The following NOVA1 variants were observed in gnomAD, a reference collection of about 807,000 sequenced individuals.
NOVA1 encodes the protein NOVA alternative splicing regulator 1, also known as RNA-binding protein Nova-1.
A neutral mutation model predicts 38.0 loss-of-function variants in NOVA1; 7 were observed. That is an observed-to-expected ratio of 0.18 (90% CI 0.10 to 0.35). The LOEUF (loss-of-function observed/expected upper bound fraction) is 0.35, where lower values mean the gene tolerates loss of function less well. NOVA1 is among the 10% of genes least tolerant of loss of function. NOVA1 has a pLI of 1.00. For missense variants in NOVA1, 460 were observed against 616.0 expected, an observed-to-expected ratio of 0.75 and a Z score of 2.68; for synonymous variants, 270 against 232.5, an observed-to-expected ratio of 1.16 and a Z score of -1.47.
At chr14:26,531,967 A>T (rs1889748360) in intron 2 of NOVA1, among the ~76,000 whole-genome samples, 1 of 152,194 alleles carries the variant, frequency 6.6e-6, no homozygotes, top group South Asian at 2.1e-4. Flanking sequence ...AAAACCCACT[A>T]AGAAAACAAA....
chr14:26,527,838 C>A (rs147076277), intron 2 of NOVA1, among the ~76,000 whole-genome samples: 1 of 152,268 alleles, frequency 6.6e-6, no homozygotes, highest in Non-Finnish European at 1.5e-5. Context: ...GTAAAACTAC[C>A]CAGCAGTGAG....
At chr14:26,510,259 T>C (rs1160618186) in intron 2 of NOVA1, among the ~76,000 whole-genome samples, 1 of 152,152 alleles carries the variant, frequency 6.6e-6, no homozygotes, top group Non-Finnish European at 1.5e-5. Flanking sequence ...TGCCTTCAAG[T>C]AGCTCATGAT....
chr14:26,503,777 A>C (rs61986469), intron 2 of NOVA1, among the ~76,000 whole-genome samples: 2 of 152,070 alleles, frequency 1.3e-5, no homozygotes, highest in South Asian at 4.2e-4. Flanking sequence ...CTGATTCATC[A>C]TGATAAACCA....
intron 2 of NOVA1, among the ~76,000 whole-genome samples, chr14:26,554,960 T>C (rs949083275): frequency 1.3e-5 from 2 of 152,124 alleles, no homozygotes; most frequent in Admixed American, 6.6e-5. Context: ...CATGAATATG[T>C]TTCGTGCATT....
intron 2 of NOVA1, among the ~76,000 whole-genome samples, chr14:26,491,877 C>A (rs1886374492): frequency 6.6e-6 from 1 of 151,928 alleles, no homozygotes; most frequent in African/African-American, 2.4e-5. Flanking sequence ...GAATCCTCAA[C>A]TCTGTAATTT....
rs538356160 is a variant in NOVA1 at position 26,445,827 on chromosome 14, A to G, written c.*2132T>C. On this transcript the variant is annotated 3_prime_UTR_variant, in exon 5 of 5. Transcript: ENST00000539517. ...CATAGATATTATTTACTGTTAATGT[A>G]TTATAAATGATCTGAGACTTGTGAC... 6.5e-6 allele frequency: 1 copy of G among 152,742 alleles called. No homozygotes were observed. The highest frequency in any genetic ancestry group is 3.4e-3 in the Middle Eastern group (1 of 294). The allele number at this position is 152,742 out of a possible 1,614,324, so 9.5% of individuals were successfully genotyped here.
intron 2 of NOVA1, among the ~76,000 whole-genome samples, chr14:26,529,948 T>TTC (rs1356531104): frequency 6.6e-6 from 1 of 152,156 alleles, no homozygotes; most frequent in Non-Finnish European, 1.5e-5. Context: ...TCATTTTTTT[T>TTC]TCACTCTGTC....
chr14:26,471,385 T>G (rs1459911282), intron 4 of NOVA1, among the ~76,000 whole-genome samples: 2 of 151,788 alleles, frequency 1.3e-5, no homozygotes, highest in East Asian at 3.8e-4. Flanking sequence ...GTCAACTATA[T>G]GAAAAATATA....
At chr14:26,472,288 A>C (rs1375816032) in intron 4 of NOVA1, 32 bp downstream of exon 4, 1 of 1,353,062 alleles carries the variant, frequency 7.4e-7, no homozygotes, top group South Asian at 1.2e-5. Context: ...ACCCGTGAAA[A>C]GTATGGTGTA....
intron 2 of NOVA1, among the ~76,000 whole-genome samples, chr14:26,506,581 C>T (rs1887651536): frequency 6.6e-6 from 1 of 152,018 alleles, no homozygotes; most frequent in Non-Finnish European, 1.5e-5. Flanking sequence ...AGACCAACAA[C>T]TGTTCTTTTT....
rs1882013720 is a variant in NOVA1, at chr14:26,445,695, T to C, written c.*2264A>G. 1 of 152,232 alleles carries C rather than the reference T, an allele frequency of 6.6e-6. No homozygotes were observed. Among genetic ancestry groups the C allele is most frequent in the Non-Finnish European group, 1.5e-5 (1 of 68,032 alleles). 9.4% of individuals were successfully genotyped at this position (152,232 alleles called of 1,614,324 possible). On this transcript the variant is annotated 3_prime_UTR_variant, in exon 5 of 5. Transcript: ENST00000539517. ...AAAGACCCAACATTTGAAATGCTTC[T>C]AGTACACATCCTAGATCACTTCCTT... is the stretch of plus-strand genomic sequence containing the variant.
At chr14:26,479,841 T>A in intron 3 of NOVA1, 136 bp downstream of exon 3, 1 of 856,382 alleles carries the variant, frequency 1.2e-6, no homozygotes, top group South Asian at 1.9e-5. Flanking sequence ...AGTCTTTAAA[T>A]AACTAAATGA....
intron 2 of NOVA1, among the ~76,000 whole-genome samples, chr14:26,482,378 C>A (rs1360646335): frequency 6.6e-6 from 1 of 152,106 alleles, no homozygotes; most frequent in African/African-American, 2.4e-5. Flanking sequence ...TCATATTCTT[C>A]TACTGAACTT....
intron 2 of NOVA1, among the ~76,000 whole-genome samples, chr14:26,589,892 A>T (rs1321032461): frequency 2.0e-5 from 3 of 151,872 alleles, no homozygotes; most frequent in Non-Finnish European, 4.4e-5. Flanking sequence ...AAGAATATGG[A>T]AATTTCATCA....
At chr14:26,490,437 G>A (rs1325157136) in intron 2 of NOVA1, among the ~76,000 whole-genome samples, 11 of 151,940 alleles carry the variant, frequency 7.2e-5, no homozygotes, top group Admixed American at 1.3e-4. Flanking sequence ...CCCAAGCCGC[G>A]GCACCATTTT....
At chr14:26,497,794 G>A (rs984493769) in intron 2 of NOVA1, among the ~76,000 whole-genome samples, 3 of 151,986 alleles carry the variant, frequency 2.0e-5, no homozygotes, top group South Asian at 2.1e-4. Context: ...CTTAGTCACC[G>A]TAATAAAAAA....
At chr14:26,565,808 T>A (rs1892099624) in intron 2 of NOVA1, among the ~76,000 whole-genome samples, 1 of 152,132 alleles carries the variant, frequency 6.6e-6, no homozygotes, top group African/African-American at 2.4e-5. Context: ...TGATTAGTGC[T>A]GAAAATGTGA....
At chr14:26,501,560 A>C (rs1887242626) in intron 2 of NOVA1, among the ~76,000 whole-genome samples, 1 of 151,986 alleles carries the variant, frequency 6.6e-6, no homozygotes, top group Non-Finnish European at 1.5e-5. Flanking sequence ...ATGAAGTATA[A>C]AGAAATAATA....
At chr14:26,454,100 G>C (rs1483973244) in intron 4 of NOVA1, among the ~76,000 whole-genome samples, 2 of 151,950 alleles carry the variant, frequency 1.3e-5, no homozygotes, top group Non-Finnish European at 2.9e-5. Flanking sequence ...GGGCCACACT[G>C]GAAGAATTGT....
Sources: gnomAD v4.1 joint callset for allele counts (sites outside exome capture counted in the v4.1 genomes callset) on GRCh38, gnomAD v4.1.1 for gene constraint, MANE v1.5 for transcripts, NCBI Gene and HGNC (gene_info 2026-07-23, HGNC 2026-07-21) for gene names.